The following TGFBI variants were observed in gnomAD, a reference collection of about 807,000 sequenced individuals.
The protein encoded by TGFBI is transforming growth factor-beta-induced protein ig-h3.
In TGFBI, 50 loss-of-function variants were observed where a neutral mutation model predicts 73.7. The ratio of observed to expected loss-of-function variants is 0.68; its 90% CI spans 0.54 to 0.86. The LOEUF is 0.86. Among genes scored for constraint, TGFBI ranks in the 40% least tolerant of loss-of-function variants. The pLI is 0.00. For synonymous variants in TGFBI, 362 were observed against 360.5 expected (o/e 1.00, Z -0.05); for missense variants, 839 against 877.0 (o/e 0.96, Z 0.55).
chr5:136,035,898 G>A (rs1751212683), intron 2 of TGFBI, among the ~76,000 whole-genome samples: 1 of 152,084 alleles, frequency 6.6e-6, no homozygotes, highest in African/African-American at 2.4e-5. Context: ...CTGGCTACAG[G>A]GTAGCATCTG....
At chr5:136,041,123 A>G (rs1283412039) in intron 2 of TGFBI, among the ~76,000 whole-genome samples, 2 of 152,180 alleles carry the variant, frequency 1.3e-5, no homozygotes, top group African/African-American at 2.4e-5. Context: ...CAGCTTTGAC[A>G]CCTTCCCAGC....
At chr5:136,051,666 C>A (rs755037070) in intron 7 of TGFBI, among the ~76,000 whole-genome samples, 2 of 152,126 alleles carry the variant, frequency 1.3e-5, no homozygotes, top group African/African-American at 2.4e-5. Context: ...GGCAGGCAGG[C>A]GAGAAGCAGC....
chr5:136,047,169 C>A, intron 5 of TGFBI, 105 bp from the exon 6 acceptor site: 1 of 1,544,072 alleles, frequency 6.5e-7, no homozygotes, highest in South Asian at 1.2e-5. Flanking sequence ...GCTTGTGGAA[C>A]CCACATTTTG....
chr5:136,049,533 C>A lies in TGFBI; in HGVS notation c.866C>A (p.Pro289His), dbSNP rs760518347. Residue 289 changes from proline to histidine, a missense_variant, in exon 7 of 17, where the codon CCT becomes CAT. Physicochemically the swap from Pro to His is moderately conservative, Grantham distance 77. Coordinates refer to ENST00000442011, the MANE Select transcript of TGFBI (RefSeq NM_000358.3). ...APTNEAFEKI[P>H]SETLNRILGD... ...ACCAATGAGGCCTTCGAGAAGATCC[C>A]TAGTGAGACTTTGAACCGTATCCTG... 1 of 1,613,958 alleles carries A rather than the reference C, an allele frequency of 6.2e-7. No individual in the cohort carries two copies. Among genetic ancestry groups the A allele is most frequent in the Non-Finnish European group, 8.5e-7 (1 of 1,179,878 alleles).
At chr5:136,033,639 T>C in intron 1 of TGFBI, 124 bp from the exon 2 acceptor site, 1 of 755,082 alleles carries the variant, frequency 1.3e-6, no homozygotes, top group South Asian at 1.8e-5. Context: ...GTACCAAGAC[T>C]GAAATGACTC....
Position 136,052,979 on chromosome 5 carries a change from C to A in TGFBI, c.986C>A (p.Thr329Asn). The A allele has an allele frequency of 6.2e-7, 1 of 1,614,012 alleles. No homozygotes were observed. The highest frequency in any genetic ancestry group is 8.5e-7 in the Non-Finnish European group (1 of 1,179,878). The part of the protein sequence containing the change: ...EAIVAGLSVE[T>N]LEGTTLEVGC... ...ATCGTTGCGGGGCTGTCTGTAGAGA[C>A]CCTGGAGGGCACGACACTGGAGGTG... The change falls in exon 8 of 17, where the codon ACC becomes AAC. Residue 329 changes from threonine to asparagine, a missense_variant. By Grantham distance (65) the Thr-to-Asn change is moderately conservative. Transcript: ENST00000442011.
intron 11 of TGFBI, among the ~76,000 whole-genome samples, 183 bp downstream of exon 11, chr5:136,055,999 T>C (rs565365619): frequency 3.9e-5 from 6 of 152,236 alleles, no homozygotes; most frequent in South Asian, 2.1e-4. Context: ...AAAGCTTACA[T>C]TGGGAAGAAG....
intron 3 of TGFBI, among the ~76,000 whole-genome samples, chr5:136,044,575 TGTG>T (rs1365354769): frequency 6.6e-6 from 1 of 152,232 alleles, no homozygotes; most frequent in East Asian, 1.9e-4. Context: ...CATCTCCCTC[TGTG>T]TCTAAACTTG....
At chr5:136,033,562 A>T (rs1057460608) in intron 1 of TGFBI, among the ~76,000 whole-genome samples, 1 of 152,132 alleles carries the variant, frequency 6.6e-6, no homozygotes, top group Admixed American at 6.5e-5. Flanking sequence ...TTTGCAGGGG[A>T]AGCTTTCATG....
At chr5:136,059,271 C>T (rs1751705990) in intron 13 of TGFBI, 57 bp downstream of exon 13, 2 of 1,588,158 alleles carry the variant, frequency 1.3e-6, no homozygotes, top group Non-Finnish European at 1.7e-6. Flanking sequence ...GGCTCCAGGA[C>T]ATATCTCACC....
chr5:136,038,695 TG>T (rs1170192454), intron 2 of TGFBI, among the ~76,000 whole-genome samples: 1 of 142,812 alleles, frequency 7.0e-6, no homozygotes, highest in Admixed American at 7.1e-5. Flanking sequence ...CCCTCCAGCC[TG>T]GGCAACAGAG....
chr5:136,061,835 A>G (rs1751754719), intron 15 of TGFBI, among the ~76,000 whole-genome samples: 1 of 152,186 alleles, frequency 6.6e-6, no homozygotes, highest in Non-Finnish European at 1.5e-5. Context: ...GATCATGGGG[A>G]AGTCACTGCT....
rs201008971 is a variant in TGFBI, at chr5:136,062,717, C to A, written c.2011+30C>A. ...GTCTGGTCTGGGTTTGAAGTCATTG[C>A]AGACCTGTTTAGGCCTTACCCCCAA... On this transcript the variant is annotated intron_variant, in intron 16 of 16. Transcript: ENST00000442011. 1,266 of 1,560,912 alleles carry A rather than the reference C, an allele frequency of 8.1e-4. 2 individuals are homozygous for A. Among genetic ancestry groups the A allele is most frequent in the Admixed American group, 1.1e-3 (58 of 52,350 alleles).
intron 9 of TGFBI, among the ~76,000 whole-genome samples, 196 bp downstream of exon 9, chr5:136,054,276 T>C (rs544130963): frequency 1.3e-5 from 2 of 152,306 alleles, no homozygotes; most frequent in African/African-American, 2.4e-5. Flanking sequence ...GAGAATGCCT[T>C]TGGGGAGCCG....
rs746736734 is a variant in TGFBI at position 136,061,523 on chromosome 5, G to A, written c.1930G>A (p.Asp644Asn). The A allele has an allele frequency of 3.1e-6, 5 of 1,610,102 alleles. No homozygotes were observed. In the Admixed American group the frequency reaches 5.0e-5, roughly 16 times the overall value. The change falls in exon 15 of 17, where the codon GAT (aspartate) becomes AAT (asparagine). Residue 644 changes from aspartate (D) to asparagine (N), a missense_variant. Coordinates refer to ENST00000442011, the MANE Select transcript of TGFBI (RefSeq NM_000358.3). ...AGCCAACAGACCTCAGGAAAGAGGG[G>A]ATGAACTTGCAGACTCTGCGCTTGA... Reference protein sequence around the residue: ...PPANRPQERGDELADSALEIF... With the variant: ...PPANRPQERGNELADSALEIF...
chr5:136,040,235 G>A (rs138042943), intron 2 of TGFBI, among the ~76,000 whole-genome samples: 34 of 152,304 alleles, frequency 2.2e-4, no homozygotes, highest in African/African-American at 7.2e-4. Flanking sequence ...TAGACTTTGG[G>A]TTGACATTAT....
At chr5:136,061,035 C>T in intron 14 of TGFBI, 99 bp downstream of exon 14, 1 of 867,978 alleles carries the variant, frequency 1.2e-6, no homozygotes, top group African/African-American at 1.7e-5. Context: ...ATGAGAATAA[C>T]ATGTAATTGT....
At chr5:136,039,887 A>G (rs1751298899) in intron 2 of TGFBI, among the ~76,000 whole-genome samples, 1 of 152,234 alleles carries the variant, frequency 6.6e-6, no homozygotes, top group African/African-American at 2.4e-5. Context: ...CCAGGCAAGC[A>G]GTCCATGGGC....
In TGFBI at chr5:136,047,347, A is replaced by G; in HGVS notation, c.698A>G (p.Asp233Gly). 1.2e-6 allele frequency: 2 copies of G among 1,613,868 alleles called. No individual in the cohort carries two copies. Among genetic ancestry groups the G allele is most frequent in the Non-Finnish European group, 1.7e-6 (2 of 1,179,872 alleles). ...ACCAACGGGGTGGTGCACCTCATCG[A>G]TAAGGTCATCTCCACCATCACCAAC... The part of the protein sequence containing the change: ...HATNGVVHLI[D>G]KVISTITNNI... The change falls in exon 6 of 17, where the codon GAT (aspartate) becomes GGT (glycine). Residue 233 changes from aspartate (D) to glycine (G), a missense_variant. By Grantham distance (94) the Asp-to-Gly change is moderately conservative. Transcript: ENST00000442011.
Sources: gnomAD v4.1 joint callset for allele counts (sites outside exome capture counted in the v4.1 genomes callset) on GRCh38, gnomAD v4.1.1 for gene constraint, MANE v1.5 for transcripts, NCBI Gene and HGNC (gene_info 2026-07-23, HGNC 2026-07-21) for gene names.